The following SUGCT variants were observed in gnomAD, a reference collection of about 807,000 sequenced individuals.
The protein encoded by SUGCT is succinyl-CoA:glutarate-CoA transferase, also known as succinyl-CoA:glutarate CoA-transferase.
SUGCT carries 41 observed loss-of-function variants against 55.0 expected under a neutral mutation model. The ratio of observed to expected loss-of-function variants is 0.74; its 90% CI spans 0.58 to 0.97. The LOEUF is 0.97. Among genes scored for constraint, SUGCT ranks in the 50% least tolerant of loss-of-function variants. The pLI, the probability that SUGCT is intolerant of heterozygous loss-of-function variation, is 0.00. For synonymous variants in SUGCT, 187 were observed against 200.4 expected (o/e 0.93, Z 0.56); for missense variants, 568 against 547.8 (o/e 1.04, Z -0.37).
chr7:40,517,864 C>A (rs1793331851), intron 12 of SUGCT, among the ~76,000 whole-genome samples: 1 of 152,022 alleles, frequency 6.6e-6, no homozygotes, highest in Admixed American at 6.6e-5. Flanking sequence ...GATCTTAAAT[C>A]TATATTGCTG....
At chr7:40,377,192 TTCTTTCTTTTCTTTTCTTTTCTTTC>T (rs1784616347) in intron 9 of SUGCT, among the ~76,000 whole-genome samples, 1 of 9,398 alleles carries the variant, frequency 1.1e-4, no homozygotes. Context: ...CTTTCTTTCT[TTCTTTCTTTTCTTTTCTTTTCTTTC>T]TTTTCTTTCT....
chr7:40,660,540 A>G (rs1489490201), intron 12 of SUGCT, among the ~76,000 whole-genome samples: 1 of 152,104 alleles, frequency 6.6e-6, no homozygotes, highest in Non-Finnish European at 1.5e-5. Context: ...TACAGGCTTG[A>G]GCCACCGTGC....
intron 12 of SUGCT, among the ~76,000 whole-genome samples, chr7:40,572,024 C>T (rs780005086): frequency 3.3e-5 from 5 of 152,116 alleles, no homozygotes; most frequent in Non-Finnish European, 7.4e-5. Flanking sequence ...CAGGGATGGA[C>T]GAGTGGAAGG....
chr7:40,952,001 A>G, the SUGCT span, among the ~76,000 whole-genome samples: 1 of 152,048 alleles, frequency 6.6e-6, no homozygotes, highest in Non-Finnish European at 1.5e-5. Flanking sequence ...CAATTCCTGG[A>G]TATCCTTGTC....
rs568532017 is a variant in SUGCT at position 40,482,758 on chromosome 7, G to A, written c.987-13526G>A. On this transcript the variant is annotated intron_variant, in intron 11 of 13. Transcript: ENST00000335693. ...AGAATCTTTACAAAAAACAGTTTAC[G>A]TCTGAACTGTGAATGATTAGTATGG... Among the ~76,000 whole-genome samples the A allele has an allele frequency of 2.6e-5, 4 of 152,258 alleles. No homozygotes were observed. The South Asian group carries it at 8.3e-4, about 32-fold the overall frequency.
the SUGCT span, among the ~76,000 whole-genome samples, chr7:40,933,486 C>T: frequency 6.6e-6 from 1 of 152,160 alleles, no homozygotes; most frequent in East Asian, 1.9e-4. Flanking sequence ...GCCTGCCTTG[C>T]TAGGTTGGGG....
At chr7:40,220,955 C>T (rs1439492548) in intron 6 of SUGCT, among the ~76,000 whole-genome samples, 2 of 152,164 alleles carry the variant, frequency 1.3e-5, no homozygotes, top group Non-Finnish European at 2.9e-5. Context: ...GATGCATTCA[C>T]AGGACAATTT....
At chr7:40,945,862 C>A in the SUGCT span, among the ~76,000 whole-genome samples, 2 of 152,088 alleles carry the variant, frequency 1.3e-5, no homozygotes, top group African/African-American at 4.8e-5. Context: ...TGGTGATGAG[C>A]AATATCTGCA....
chr7:40,232,188 A>G (rs1374406978), intron 6 of SUGCT, among the ~76,000 whole-genome samples: 1 of 152,198 alleles, frequency 6.6e-6, no homozygotes, highest in African/African-American at 2.4e-5. Flanking sequence ...AATAGTCTAG[A>G]TGAGAGATAC....
At chr7:40,613,840 G>A (rs187055409) in intron 12 of SUGCT, among the ~76,000 whole-genome samples, 19 of 152,142 alleles carry the variant, frequency 1.2e-4, no homozygotes, top group Admixed American at 7.9e-4. Flanking sequence ...CATGTTGGTC[G>A]GTTTGATCCG....
chr7:40,407,080 CT>C, intron 9 of SUGCT, among the ~76,000 whole-genome samples: 1 of 152,110 alleles, frequency 6.6e-6, no homozygotes, highest in Admixed American at 6.5e-5. Context: ...GAACAAAGAG[CT>C]TGAAGGCCTT....
At chr7:40,528,457 T>C (rs931383529) in intron 12 of SUGCT, among the ~76,000 whole-genome samples, 4 of 152,208 alleles carry the variant, frequency 2.6e-5, no homozygotes, top group Non-Finnish European at 5.9e-5. Context: ...GAAATCATTC[T>C]TTATTATAGT....
chr7:40,721,533 C>G (rs980849540), intron 12 of SUGCT, among the ~76,000 whole-genome samples: 1 of 152,214 alleles, frequency 6.6e-6, no homozygotes, highest in Non-Finnish European at 1.5e-5. Flanking sequence ...TGGACTATCT[C>G]TAGGTCAAAT....
intron 13 of SUGCT, among the ~76,000 whole-genome samples, chr7:40,848,574 GACA>G (rs1307471714): frequency 1.3e-5 from 2 of 151,750 alleles, no homozygotes; most frequent in African/African-American, 4.9e-5. Context: ...GTTAAAAATA[GACA>G]ACCTATAGAT....
At chr7:40,705,014 T>C (rs187818452) in intron 12 of SUGCT, among the ~76,000 whole-genome samples, 68 of 152,376 alleles carry the variant, frequency 4.5e-4, no homozygotes, top group African/African-American at 1.6e-3. Flanking sequence ...TCTTAATATT[T>C]GCCTTTTAAT....
chr7:40,300,947 A>G (rs1446326461), intron 8 of SUGCT, among the ~76,000 whole-genome samples: 1 of 152,216 alleles, frequency 6.6e-6, no homozygotes, highest in African/African-American at 2.4e-5. Context: ...GTTATATTTA[A>G]CAAAAGCATT....
At chr7:40,759,407 A>G (rs913020820) in intron 13 of SUGCT, among the ~76,000 whole-genome samples, 1 of 152,228 alleles carries the variant, frequency 6.6e-6, no homozygotes, top group African/African-American at 2.4e-5. Context: ...TATGGTATAT[A>G]TATGAATACT....
chr7:40,434,247 T>G (rs538659218), intron 9 of SUGCT, among the ~76,000 whole-genome samples: 1 of 152,328 alleles, frequency 6.6e-6, no homozygotes, highest in South Asian at 2.1e-4. Flanking sequence ...TTCTTTTGAG[T>G]AACTAATGAT....
chr7:40,785,695 G>A (rs112593789), intron 13 of SUGCT, among the ~76,000 whole-genome samples: 116 of 152,224 alleles, frequency 7.6e-4, no homozygotes, highest in African/African-American at 2.6e-3. Flanking sequence ...TGCATGTAAC[G>A]TCTTCTAAAT....
Sources: gnomAD v4.1 joint callset for allele counts (sites outside exome capture counted in the v4.1 genomes callset) on GRCh38, gnomAD v4.1.1 for gene constraint, MANE v1.5 for transcripts, NCBI Gene and HGNC (gene_info 2026-07-23, HGNC 2026-07-21) for gene names.